The following ANK1 variants were observed in gnomAD, a reference collection of about 807,000 sequenced individuals.
The protein encoded by ANK1 is ankyrin-1.
In ANK1, 51 loss-of-function variants were observed where a neutral mutation model predicts 210.4. The observed-to-expected ratio is 0.24, with a 90% CI of 0.19 to 0.31. The LOEUF is 0.31. Ranked by LOEUF, ANK1 falls within the 10% of genes least tolerant of loss-of-function variation. The pLI, the probability that ANK1 is intolerant of heterozygous loss-of-function variation, is 1.00. For missense variants in ANK1, 2,051 were observed against 2,504.4 expected (o/e 0.82, Z 3.86); for synonymous variants, 967 against 1,025.9 (o/e 0.94, Z 1.10).
In ANK1 at chr8:41,695,341, G is replaced by C. The variant is rs756062402; in HGVS notation, c.2961-10C>G. ...CTCCACGATTACAGGGCTGAGGCAA[G>C]GACACAGTGGTGGTGGGGAGGTGCT... On this transcript the variant is annotated splice_polypyrimidine_tract_variant and intron_variant, in intron 26 of 42. Coordinates refer to ENST00000289734, the MANE Select transcript of ANK1 (RefSeq NM_000037.4). 6.2e-7 allele frequency: 1 copy of C among 1,613,864 alleles called. No individual in the cohort carries two copies. The highest frequency in any genetic ancestry group is 1.3e-5 in the African/African-American group (1 of 75,040).
rs562389170 is a variant in ANK1 at position 41,854,700 on chromosome 8, G to A, written c.126+41655C>T. On this transcript the variant is annotated intron_variant, in intron 1 of 42. Coordinates refer to the ANK1 transcript ENST00000265709. ...CACACTTGCAATCCCAGTGCTTCAGGAGGCCAACAGAGGAGGGTGACTTCA... is the reference window on the plus strand; with the variant it reads ...CACACTTGCAATCCCAGTGCTTCAGAAGGCCAACAGAGGAGGGTGACTTCA... Among the ~76,000 whole-genome samples, 68 of 152,270 alleles carry A rather than the reference G, an allele frequency of 4.5e-4. No homozygotes were observed. The South Asian group carries it at 0.014, about 31-fold the overall frequency.
chr8:41,822,637 C>T (rs781659593), intron 1 of ANK1, among the ~76,000 whole-genome samples: 1 of 152,274 alleles, frequency 6.6e-6, no homozygotes, highest in South Asian at 2.1e-4. Context: ...TCCTTGTACC[C>T]TGTACACTGC....
chr8:41,725,602 T>C (rs1236713988), intron 6 of ANK1, among the ~76,000 whole-genome samples, 159 bp downstream of exon 6: 1 of 152,130 alleles, frequency 6.6e-6, no homozygotes, highest in Non-Finnish European at 1.5e-5. Flanking sequence ...AGCGGGGCTG[T>C]CCAGGGGCCC....
At chr8:41,720,341 A>C (rs1255347928) in intron 9 of ANK1, among the ~76,000 whole-genome samples, 6 of 152,180 alleles carry the variant, frequency 3.9e-5, no homozygotes, top group African/African-American at 1.4e-4. Context: ...TTTTGAATGA[A>C]TGAATGAATG....
chr8:41,683,708 A>G lies in ANK1; in HGVS notation c.4537+836T>C, dbSNP rs190504656. 1.1e-4 allele frequency among the ~76,000 whole-genome samples: 16 copies of G among 152,344 alleles called. No homozygotes were observed. In the East Asian group the frequency reaches 2.7e-3, roughly 26 times the overall value. On this transcript the variant is annotated intron_variant, in intron 37 of 42. Coordinates refer to ENST00000289734, the MANE Select transcript of ANK1 (RefSeq NM_000037.4). Reference sequence around the variant, plus strand: ...AGAAGGGGAGAGGGCTCAGTCATGCAGGGAGTTGGCAGGAAGGAAGGGCCT... The same window carrying G: ...AGAAGGGGAGAGGGCTCAGTCATGCGGGGAGTTGGCAGGAAGGAAGGGCCT...
At chr8:41,712,028 G>A (rs910432493) in intron 16 of ANK1, among the ~76,000 whole-genome samples, 1 of 151,980 alleles carries the variant, frequency 6.6e-6, no homozygotes, top group Non-Finnish European at 1.5e-5. Flanking sequence ...GGGTTCAAGC[G>A]ATTCTCCTGC....
At chr8:41,724,421 C>G (rs1179030541) in intron 7 of ANK1, 35 bp downstream of exon 7, 1 of 1,526,800 alleles carries the variant, frequency 6.5e-7, no homozygotes, top group Non-Finnish European at 8.9e-7. Flanking sequence ...GCCCCAAGCC[C>G]CCGGACAGTG....
intron 1 of ANK1, among the ~76,000 whole-genome samples, chr8:41,877,774 C>T (rs1429404768): frequency 6.6e-6 from 1 of 152,128 alleles, no homozygotes; most frequent in Admixed American, 6.5e-5. Flanking sequence ...TCTGAGGAAG[C>T]GACATCTGAG....
intron 6 of ANK1, 127 bp from the exon 7 acceptor site, chr8:41,724,681 G>T: frequency 1.2e-6 from 1 of 853,290 alleles, no homozygotes; most frequent in Non-Finnish European, 1.9e-6. Flanking sequence ...TTTGATGGGT[G>T]GGAACATTTG....
Position 41,686,133 on chromosome 8 carries a change from T to C in ANK1, c.4390+19A>G, listed in dbSNP as rs762569788. 1 of 1,614,230 alleles carries C rather than the reference T, an allele frequency of 6.2e-7. No homozygotes were observed. Among genetic ancestry groups the C allele is most frequent in the East Asian group, 2.2e-5 (1 of 44,890 alleles). On this transcript the variant is annotated intron_variant, in intron 36 of 42. Transcript: ENST00000289734. ...GGAGGAGGTCCTAGGACAGGCTTCC[T>C]CAGTGGGACGGTACTGACTGTTTGC...
At chr8:41,848,756 T>C (rs1810586625) in intron 1 of ANK1, among the ~76,000 whole-genome samples, 1 of 152,234 alleles carries the variant, frequency 6.6e-6, no homozygotes, top group South Asian at 2.1e-4. Context: ...GGTGATCTCA[T>C]GCAATCCTTA....
In ANK1 at chr8:41,704,380, C is replaced by G. The variant is rs1211717597; in HGVS notation, c.2190G>C (p.Lys730Asn). The change falls in exon 19 of 43, where the codon AAG (lysine) becomes AAC (asparagine). Residue 730 changes from lysine (K) to asparagine (N), a missense_variant. By Grantham distance (94) the Lys-to-Asn change is moderately conservative. Transcript: ENST00000289734. This position sits in a 1 kb window ranked among gnomAD's most constrained non-coding sequence, Gnocchi z 4.1. ...LLQHQADVNA[K>N]TKLGYSPLHQ... ...GGCTGGGGCACCCCTGTACCTTGGT[C>G]TTGGCATTGACATCTGCCTGGTGCT... 3.1e-6 allele frequency: 5 copies of G among 1,614,098 alleles called. No individual in the cohort carries two copies. The highest frequency in any genetic ancestry group is 4.2e-6 in the Non-Finnish European group (5 of 1,179,980).
In ANK1 at chr8:41,672,843, C is replaced by A. The variant is rs767213092; in HGVS notation, c.4607G>T (p.Arg1536Leu). 4 of 1,611,754 alleles carry A rather than the reference C, an allele frequency of 2.5e-6. No homozygotes were observed. Among genetic ancestry groups the A allele is most frequent in the African/African-American group, 1.3e-5 (1 of 75,034 alleles). ...CACCTCATTCCAGTACTGGTCTGCA[C>A]GTAGCGGAGAGGAAAGTGCACAGCC... ...SLGCALSSPL[R>L]ADQYWNEVAV... The change falls in exon 38 of 43, where the codon CGT (arginine) becomes CTT (leucine). Residue 1536 changes from arginine (R) to leucine (L), a missense_variant. Physicochemically the swap from Arg to Leu is moderately radical, Grantham distance 102. Around this residue, in one of 6 missense-constraint regions of ANK1, gnomAD observed 496 missense variants for 533.4 expected, o/e 0.93. Transcript: ENST00000289734.
intron 1 of ANK1, among the ~76,000 whole-genome samples, chr8:41,796,295 T>G (rs957745799): frequency 1.3e-5 from 2 of 152,244 alleles, no homozygotes; most frequent in Non-Finnish European, 2.9e-5. Flanking sequence ...ATTTTTTCCA[T>G]CGGCCATTCC....
intron 1 of ANK1, among the ~76,000 whole-genome samples, chr8:41,851,561 G>A (rs901191185): frequency 4.6e-5 from 7 of 152,346 alleles, no homozygotes; most frequent in Middle Eastern, 3.4e-3. Context: ...AGTATTAAAA[G>A]CCCTAGCTGG....
intron 1 of ANK1, among the ~76,000 whole-genome samples, chr8:41,787,229 G>A (rs1406817292): frequency 2.6e-5 from 4 of 152,226 alleles, no homozygotes; most frequent in African/African-American, 7.2e-5. Context: ...CAGTGGAGAC[G>A]AGCAGTCATG....
intron 31 of ANK1, 78 bp downstream of exon 31, chr8:41,692,570 C>T: frequency 7.0e-7 from 1 of 1,436,944 alleles, no homozygotes; most frequent in Non-Finnish European, 9.7e-7. Flanking sequence ...GACTGCCTGC[C>T]TGCACCTGGT....
intron 1 of ANK1, among the ~76,000 whole-genome samples, chr8:41,825,012 A>G (rs1475919323): frequency 6.6e-6 from 1 of 152,210 alleles, no homozygotes; most frequent in Non-Finnish European, 1.5e-5. Flanking sequence ...CCCAAATTTC[A>G]CAAGTTACCA....
At chr8:41,730,451 CT>C (rs551939515) in intron 3 of ANK1, among the ~76,000 whole-genome samples, 334 of 142,038 alleles carry the variant, frequency 2.4e-3, no homozygotes, top group East Asian at 3.5e-3. Context: ...TCTTTTCTTT[CT>C]TTTTTTTTTT....
Sources: gnomAD v4.1 joint callset for allele counts (sites outside exome capture counted in the v4.1 genomes callset) on GRCh38, gnomAD v4.1.1 for gene constraint, gnomAD v4.1.1 regional missense constraint, Gnocchi (gnomAD v3.1) non-coding constraint, MANE v1.5 for transcripts, NCBI Gene and HGNC (gene_info 2026-07-23, HGNC 2026-07-21) for gene names.